The following CCDC158 variants were observed in gnomAD, a reference collection of about 807,000 sequenced individuals.
CCDC158 encodes coiled-coil domain-containing protein 158.
In CCDC158, 116 loss-of-function variants were observed where a neutral mutation model predicts 138.6. That is an observed-to-expected ratio of 0.84 (90% CI 0.72 to 0.98). The LOEUF is 0.98. Among genes scored for constraint, CCDC158 ranks in the 50% least tolerant of loss-of-function variants. The probability of loss-of-function intolerance (pLI) is 0.00; values close to 1 mark genes in which losing one functional copy is unlikely to be tolerated. For synonymous variants in CCDC158, 436 were observed against 442.4 expected, an observed-to-expected ratio of 0.99 and a Z score of 0.18; for missense variants, 1,265 against 1,306.1, an observed-to-expected ratio of 0.97 and a Z score of 0.48.
intron 3 of CCDC158, among the ~76,000 whole-genome samples, chr4:76,400,018 T>C (rs1728201807): frequency 6.6e-6 from 1 of 152,152 alleles, no homozygotes; most frequent in East Asian, 1.9e-4. Flanking sequence ...AGCATAGGGC[T>C]TCTATTTTCT....
At chr4:76,366,163 G>T (rs557168017) in intron 12 of CCDC158, among the ~76,000 whole-genome samples, 1 of 152,112 alleles carries the variant, frequency 6.6e-6, no homozygotes, top group Admixed American at 6.5e-5. Flanking sequence ...GCTCTGCCCT[G>T]CATCACACCT....
At chr4:76,417,848 CAAA>C in intron 1 of CCDC158, among the ~76,000 whole-genome samples, 1 of 152,054 alleles carries the variant, frequency 6.6e-6, no homozygotes, top group South Asian at 2.1e-4. Flanking sequence ...CACAAAGGCC[CAAA>C]AATGAGAAGA....
chr4:76,419,785 A>C (rs1303347212), intron 1 of CCDC158, among the ~76,000 whole-genome samples: 1 of 151,196 alleles, frequency 6.6e-6, no homozygotes. Flanking sequence ...TTTCCCTTAT[A>C]AGGTAACATT....
chr4:76,383,761 G>C (rs1726505881), intron 6 of CCDC158, 23 bp from the exon 7 acceptor site: 1 of 1,540,460 alleles, frequency 6.5e-7, no homozygotes, highest in East Asian at 2.2e-5. Context: ...AAGAGACACT[G>C]ATTTAGTTAC....
chr4:76,344,523 T>G, intron 18 of CCDC158: 1 of 859,070 alleles, frequency 1.2e-6, no homozygotes, highest in Non-Finnish European at 2.0e-6. Context: ...GTGCCTGATG[T>G]GCCCCAGCTG....
rs1157458636 is a variant in CCDC158 at position 76,383,985 on chromosome 4, G to A, written c.726+103C>T. ...GTAACTTCTGTTATTTCAGAAAAAT[G>A]AGAACTTGGCTTATTTTAAGAATTT... On this transcript the variant is annotated intron_variant, in intron 6 of 24. Coordinates refer to ENST00000682701, the MANE Select transcript of CCDC158 (RefSeq NM_001394954.1). The A allele has an allele frequency of 3.3e-6, 3 of 901,706 alleles. No individual in the cohort carries two copies. In the South Asian group the frequency reaches 5.6e-5, roughly 17 times the overall value. The allele number at this position is 901,706 out of a possible 1,614,324, so 55.9% of individuals were successfully genotyped here. A position where few individuals can be genotyped will look rare whatever the true frequency, so the allele number is the denominator to read the frequency against.
rs1197179430 is a variant in CCDC158, at chr4:76,384,312, T to C, written c.502A>G (p.Ser168Gly). 1 of 1,614,054 alleles carries C rather than the reference T, an allele frequency of 6.2e-7. No individual in the cohort carries two copies. Among genetic ancestry groups the C allele is most frequent in the Non-Finnish European group, 8.5e-7 (1 of 1,180,016 alleles). ...KCLKEDMLKD[S>G]NTQIEQLRKM... ...CGTAGTTGCTCTATCTGTGTGTTGC[T>C]GTCTTTCAGCATGTCCTCTTTAAGG... is the stretch of plus-strand genomic sequence containing the variant. The change falls in exon 6 of 25, where the codon AGC (serine) becomes GGC (glycine). Residue 168 changes from serine (S) to glycine (G), a missense_variant. Physicochemically the swap from Ser to Gly is moderately conservative, Grantham distance 56 (BLOSUM62 0). Transcript: ENST00000682701.
chr4:76,402,274 T>C (rs991560326), intron 3 of CCDC158: 1 of 152,250 alleles, frequency 6.6e-6, no homozygotes, highest in Non-Finnish European at 1.5e-5. Context: ...GTGTTGTAGG[T>C]TCCCTTTCTA....
At chr4:76,329,086 G>C (rs754558253) in intron 21 of CCDC158, 119 bp from the exon 22 acceptor site, 315 of 767,062 alleles carry the variant, frequency 4.1e-4, no homozygotes, top group Non-Finnish European at 6.4e-4. Context: ...CCTCAAGATG[G>C]CAATCATAAC....
chr4:76,384,781 C>T (rs1293225027), intron 4 of CCDC158, 116 bp from the exon 5 acceptor site: 4 of 678,852 alleles, frequency 5.9e-6, no homozygotes, highest in Non-Finnish European at 7.6e-6. Context: ...ACTTCCTTCC[C>T]TCACTGCTGC....
chr4:76,374,353 TA>T (rs1263620757), intron 9 of CCDC158, among the ~76,000 whole-genome samples: 2 of 152,188 alleles, frequency 1.3e-5, no homozygotes, highest in Admixed American at 6.5e-5. Context: ...GTAAATACAG[TA>T]AGGGGAAGAA....
intron 10 of CCDC158, among the ~76,000 whole-genome samples, chr4:76,370,993 A>C (rs1372638173): frequency 6.6e-6 from 1 of 150,798 alleles, no homozygotes; most frequent in Non-Finnish European, 1.5e-5. Context: ...CCTCTAACAG[A>C]GGACAGAGTG....
chr4:76,389,532 G>C (rs1727122929), intron 4 of CCDC158, among the ~76,000 whole-genome samples: 1 of 152,102 alleles, frequency 6.6e-6, no homozygotes, highest in Non-Finnish European at 1.5e-5. Flanking sequence ...AAGAAGATAG[G>C]GGTAGAAAGT....
At chr4:76,379,668 A>C (rs7690396) in intron 8 of CCDC158, among the ~76,000 whole-genome samples, 4,470 of 152,204 alleles carry the variant, frequency 0.029, 219 homozygotes, top group African/African-American at 0.1. Context: ...CCATATAAAA[A>C]GTTTTAACAT....
chr4:76,316,900 CAAA>C (rs77150446), intron 24 of CCDC158, among the ~76,000 whole-genome samples: 2,070 of 62,556 alleles, frequency 0.033, 32 homozygotes, highest in African/African-American at 0.12. Context: ...CTTTTGCAGA[CAAA>C]AAAAAAAAAA....
intron 18 of CCDC158, among the ~76,000 whole-genome samples, chr4:76,338,807 T>C (rs1171783512): frequency 6.6e-6 from 1 of 152,158 alleles, no homozygotes; most frequent in African/African-American, 2.4e-5. Flanking sequence ...TGCACACTTG[T>C]CTCAGTCAGT....
chr4:76,386,866 G>A (rs1726842572), intron 4 of CCDC158, among the ~76,000 whole-genome samples: 1 of 152,204 alleles, frequency 6.6e-6, no homozygotes, highest in African/African-American at 2.4e-5. Flanking sequence ...CTTAGAGGGA[G>A]CATTTGGACC....
chr4:76,351,500 C>T (rs1477585855), intron 17 of CCDC158, among the ~76,000 whole-genome samples: 1 of 151,760 alleles, frequency 6.6e-6, no homozygotes, highest in Admixed American at 6.6e-5. Flanking sequence ...ATTTTAAACT[C>T]ACCTATTTTA....
chr4:76,371,818 A>G (rs529165703), intron 9 of CCDC158, among the ~76,000 whole-genome samples: 2 of 152,032 alleles, frequency 1.3e-5, no homozygotes, highest in Non-Finnish European at 2.9e-5. Flanking sequence ...GGCGCCTGTA[A>G]TCCCAGCTAC....
Sources: allele counts gnomAD v4.1 joint callset (sites outside exome capture counted in the v4.1 genomes callset), GRCh38; gene constraint gnomAD v4.1.1; transcripts MANE v1.5; gene names NCBI Gene and HGNC (gene_info 2026-07-23, HGNC 2026-07-21).